Variants in MAP2K5 observed in about 807,000 individuals in gnomAD.
MAP2K5 encodes the protein dual specificity mitogen-activated protein kinase kinase 5.
A neutral mutation model predicts 83.1 loss-of-function variants in MAP2K5; 49 were observed. That is an observed-to-expected ratio of 0.59 (90% confidence interval 0.47 to 0.75). The LOEUF (loss-of-function observed/expected upper bound fraction) is 0.75. Ranked by LOEUF, MAP2K5 falls within the 30% of genes least tolerant of loss-of-function variation. The probability of loss-of-function intolerance (pLI) is 0.00; values close to 1 mark genes in which losing one functional copy is unlikely to be tolerated. For synonymous variants in MAP2K5, 202 were observed against 191.8 expected (o/e 1.05, Z -0.44); for missense variants, 457 against 557.5 (o/e 0.82, Z 1.82).
rs114880931 is a variant in MAP2K5 at position 67,556,262 on chromosome 15, C to G, written c.184+6180C>G. On this transcript the variant is annotated intron_variant, in intron 2 of 21. Coordinates refer to ENST00000178640, the MANE Select transcript of MAP2K5 (RefSeq NM_145160.3). ...GCTCTTTTCGGTTTGTTCTGGTCTT[C>G]TTATTCTCTCTTCTTTTTTCCGTGG... Among the ~76,000 whole-genome samples, 1,474 of 152,192 alleles carry G rather than the reference C, an allele frequency of 9.7e-3. 27 individuals carry two copies. The highest frequency in any genetic ancestry group is 0.034 in the African/African-American group (1,411 of 41,530).
Position 67,552,253 on chromosome 15 carries a change from C to T in MAP2K5, c.184+2171C>T, listed in dbSNP as rs1299683583. On this transcript the variant is annotated intron_variant, in intron 2 of 21. Transcript: ENST00000178640. This position sits in a 1 kb window ranked among gnomAD's most constrained non-coding sequence, Gnocchi z 4.2. ...TACTATAGAAAAATAGTACATCTGT[C>T]TGAAATACATACTAGTGTTGCAAGC... Among the ~76,000 whole-genome samples, 1 of 152,158 alleles carries T rather than the reference C, an allele frequency of 6.6e-6. No homozygotes were observed. The highest frequency in any genetic ancestry group is 1.5e-5 in the Non-Finnish European group (1 of 68,036).
At chr15:67,575,326 G>T (rs953416027) in intron 3 of MAP2K5, among the ~76,000 whole-genome samples, 2 of 147,872 alleles carry the variant, frequency 1.4e-5, no homozygotes, top group East Asian at 4.2e-4. Context: ...ACAGGAAACC[G>T]AATGGAGTGG....
intron 13 of MAP2K5, among the ~76,000 whole-genome samples, chr15:67,666,941 GAAAT>G (rs932346041): frequency 2.0e-5 from 3 of 152,192 alleles, no homozygotes; most frequent in Non-Finnish European, 4.4e-5. Context: ...CTCAACTACA[GAAAT>G]AAATATCCTG....
intron 21 of MAP2K5, 99 bp from the exon 22 acceptor site, chr15:67,806,547 G>A: frequency 9.6e-7 from 1 of 1,043,876 alleles, no homozygotes; most frequent in Non-Finnish European, 1.4e-6. Flanking sequence ...GGGTTACTGG[G>A]GAAAGAGATC....
chr15:67,725,841 C>T (rs2089080242), intron 16 of MAP2K5, among the ~76,000 whole-genome samples: 1 of 152,098 alleles, frequency 6.6e-6, no homozygotes, highest in Non-Finnish European at 1.5e-5. Flanking sequence ...CTCTGATTGG[C>T]CAGAAACAAA....
chr15:67,739,414 G>A (rs191679071), intron 17 of MAP2K5, among the ~76,000 whole-genome samples: 3 of 125,664 alleles, frequency 2.4e-5, no homozygotes, highest in African/African-American at 8.9e-5. Context: ...TCACAAGATT[G>A]TGTGTGACTA....
chr15:67,564,664 T>C (rs72749315), intron 3 of MAP2K5, among the ~76,000 whole-genome samples: 18,356 of 152,192 alleles, frequency 0.12, 1,226 homozygotes, highest in East Asian at 0.2. Flanking sequence ...AGAGCTGGGC[T>C]CATCAGTACC....
intron 19 of MAP2K5, among the ~76,000 whole-genome samples, chr15:67,756,429 G>C (rs1449695510): frequency 6.6e-6 from 1 of 151,794 alleles, no homozygotes; most frequent in East Asian, 1.9e-4. Context: ...TATATATAAG[G>C]TGTACAATGT....
In MAP2K5 at chr15:67,747,849, C is replaced by T. The variant is rs908239829; in HGVS notation, c.1075-382C>T. On this transcript the variant is annotated intron_variant, in intron 17 of 21. Transcript: ENST00000178640. The surrounding 1 kb of genome is among the most constrained non-coding windows in gnomAD (Gnocchi z 4.1). ...GATTTAATTTCAATTTTAAATAAATCGGTTTTTAATTTAAAAAGAGTGAGC... is the reference window on the plus strand; with the variant it reads ...GATTTAATTTCAATTTTAAATAAATTGGTTTTTAATTTAAAAAGAGTGAGC... Among the ~76,000 whole-genome samples the T allele has an allele frequency of 1.3e-5, 2 of 152,132 alleles. No individual in the cohort carries two copies. Among genetic ancestry groups the T allele is most frequent in the East Asian group, 1.9e-4 (1 of 5,200 alleles).
chr15:67,618,491 C>G (rs1157320232), intron 8 of MAP2K5, among the ~76,000 whole-genome samples: 1 of 152,186 alleles, frequency 6.6e-6, no homozygotes, highest in African/African-American at 2.4e-5. Context: ...AGATGTATGT[C>G]TGTAGCCCTG....
intron 13 of MAP2K5, among the ~76,000 whole-genome samples, chr15:67,667,272 A>C (rs1429182833): frequency 6.6e-6 from 1 of 152,258 alleles, no homozygotes; most frequent in South Asian, 2.1e-4. Flanking sequence ...TTTTTAGATC[A>C]GTTCAATCAG....
intron 16 of MAP2K5, among the ~76,000 whole-genome samples, chr15:67,725,788 A>C (rs1391212852): frequency 1.3e-5 from 2 of 152,208 alleles, no homozygotes; most frequent in African/African-American, 4.8e-5. Context: ...TAGTTCACCC[A>C]CCACAGTAGA....
intron 8 of MAP2K5, among the ~76,000 whole-genome samples, chr15:67,613,770 C>A (rs543119072): frequency 6.6e-6 from 1 of 151,762 alleles, no homozygotes; most frequent in South Asian, 2.1e-4. Context: ...TGGACAATTT[C>A]TTGAGTTTTT....
chr15:67,622,720 T>C (rs182443123), intron 8 of MAP2K5, among the ~76,000 whole-genome samples: 369 of 152,268 alleles, frequency 2.4e-3, no homozygotes, highest in Non-Finnish European at 3.4e-3. Context: ...TAAATACTTT[T>C]CTGTAGTGTG....
At position 67,780,872 on chromosome 15, in the gene MAP2K5, G is replaced by T. The variant is rs745952968; in HGVS notation, c.1242+8120G>T. ...GGACAGAGCTAGGAGGTGCTGACCA[G>T]GTGGTGATCAGCAGCACATATGATC... On this transcript the variant is annotated intron_variant, in intron 21 of 21. Transcript: ENST00000178640. This position sits in a 1 kb window ranked among gnomAD's most constrained non-coding sequence, Gnocchi z 5.0. Among the ~76,000 whole-genome samples, 19 of 152,208 alleles carry T rather than the reference G, an allele frequency of 1.2e-4. No homozygotes were observed. Among genetic ancestry groups the T allele is most frequent in the Non-Finnish European group, 2.6e-4 (18 of 68,024 alleles).
Position 67,543,383 on chromosome 15 carries a change from G to A in MAP2K5, c.48G>A (p.Val16=), listed in dbSNP as rs1461659359. ...LGPFPAMENQ[V]LVIRIKIPNS... is the part of the protein sequence containing the mutation. ...CCTTTCCTGCCATGGAGAACCAGGT[G>A]CTGGTAATTCGCATCAAGATCCCAA... The change falls in exon 1 of 22, where the codon GTG becomes GTA. Residue 16 remains valine, a synonymous_variant. Coordinates refer to ENST00000178640, the MANE Select transcript of MAP2K5 (RefSeq NM_145160.3). This position sits in a 1 kb window ranked among gnomAD's most constrained non-coding sequence, Gnocchi z 4.3. 6.2e-7 allele frequency: 1 copy of A among 1,614,196 alleles called. No individual in the cohort carries two copies. Among genetic ancestry groups the A allele is most frequent in the Non-Finnish European group, 8.5e-7 (1 of 1,180,038 alleles).
rs779854180 is a variant in MAP2K5, at chr15:67,689,751, A to G, written c.848-2728A>G. On this transcript the variant is annotated intron_variant, in intron 13 of 21. Transcript: ENST00000178640. ...TGTTGTTTTATTATTTTGTCTTTCC[A>G]TTGATCCACTTAAGTCAGATGTATC... Among the ~76,000 whole-genome samples, 21 of 152,216 alleles carry G rather than the reference A, an allele frequency of 1.4e-4. 1 individual carries two copies. The highest frequency in any genetic ancestry group is 1.2e-4 in the Non-Finnish European group (8 of 68,034).
At chr15:67,560,703 C>G (rs1283940926) in intron 2 of MAP2K5, among the ~76,000 whole-genome samples, 1 of 152,224 alleles carries the variant, frequency 6.6e-6, no homozygotes, top group Non-Finnish European at 1.5e-5. Context: ...TGCAACTTCT[C>G]TTCAAGAAAT....
chr15:67,662,390 G>A (rs1351904563), intron 12 of MAP2K5, among the ~76,000 whole-genome samples: 1 of 152,010 alleles, frequency 6.6e-6, no homozygotes, highest in Non-Finnish European at 1.5e-5. Flanking sequence ...TACTTCTCAT[G>A]GGTAATGATA....
Sources: allele counts gnomAD v4.1 joint callset (sites outside exome capture counted in the v4.1 genomes callset), GRCh38; gene constraint gnomAD v4.1.1; non-coding constraint Gnocchi (gnomAD v3.1); transcripts MANE v1.5; gene names NCBI Gene and HGNC (gene_info 2026-07-23, HGNC 2026-07-21).